Variants in CACTIN observed in about 807,000 individuals in gnomAD.
CACTIN encodes cactin, spliceosome C complex subunit.
Under a neutral mutation model 84.9 loss-of-function variants are expected in CACTIN, and 20 were observed. That is an observed-to-expected ratio of 0.24 (90% confidence interval 0.17 to 0.34). CACTIN has a LOEUF of 0.34. Ranked by LOEUF, CACTIN falls within the 10% of genes least tolerant of loss-of-function variation. CACTIN has a pLI of 1.00. For missense variants in CACTIN, 897 were observed against 1,117.2 expected (o/e 0.80, Z 2.81); for synonymous variants, 549 against 467.9 (o/e 1.17, Z -2.24).
chr19:3,613,227 C>CGCCTCG lies in CACTIN; in HGVS notation c.1611_1616dup (p.Glu538_Ala539dup). ...GGATCAGGTCCTCCTCCATGAGCACCGCCTCGCCCTCGCCCTCGCCCTCAC... is the reference window on the plus strand; with the variant it reads ...GGATCAGGTCCTCCTCCATGAGCACCGCCTCGGCCTCGCCCTCGCCCTCGCCCTCAC... On this transcript the variant is annotated inframe_insertion, in exon 9 of 10. Transcript: ENST00000429344. 6.2e-7 allele frequency: 1 copy of CGCCTCG among 1,605,688 alleles called. No homozygotes were observed.
At position 3,623,967 on chromosome 19, in the gene CACTIN, T is replaced by A. The variant is rs367943238; in HGVS notation, c.363A>T (p.Pro121=). The part of the protein sequence containing the change: ...PSSSASSSAS[P]GRSQSPRAAA... ...CCGCCCGGGGGCTCTGGGATCGCCC[T>A]GGAGACGCGGAGCTGGATGCTGAGG... Residue 121 remains proline, a synonymous_variant, in exon 2 of 10, where the codon CCA becomes CCT. Coordinates refer to ENST00000429344, the MANE Select transcript of CACTIN (RefSeq NM_001080543.2). 2.3e-4 allele frequency: 368 copies of A among 1,603,424 alleles called. No individual in the cohort carries two copies. Among genetic ancestry groups the A allele is most frequent in the Non-Finnish European group, 3.0e-4 (352 of 1,178,578 alleles).
chr19:3,613,349 C>A lies in CACTIN; in HGVS notation c.1495G>T (p.Ala499Ser). 1 of 1,509,036 alleles carries A rather than the reference C, an allele frequency of 6.6e-7. No homozygotes were observed. Among genetic ancestry groups the A allele is most frequent in the East Asian group, 2.5e-5 (1 of 40,306 alleles). The allele number at this position is 1,509,036 out of a possible 1,614,324, so 93.5% of individuals were successfully genotyped here. Residue 499 changes from alanine (A) to serine (S), a missense_variant, in exon 9 of 10, where the codon GCG (alanine) becomes TCG (serine). Physicochemically the swap from Ala to Ser is moderately conservative, Grantham distance 99 (BLOSUM62 1). Coordinates refer to ENST00000429344, the MANE Select transcript of CACTIN (RefSeq NM_001080543.2). ...SPSRSLEPED[A>S]APTPPGPSSE... ...GAGGGCCCGGGCGGGGTGGGCGCCG[C>A]GTCCTCAGGCTCCAGGCTGGGAGGA...
intron 6 of CACTIN, among the ~76,000 whole-genome samples, chr19:3,617,898 G>A (rs61408904): frequency 0.014 from 2,174 of 152,288 alleles, 58 homozygotes; most frequent in African/African-American, 0.05. Context: ...CTCCACCTCC[G>A]GGGAACACAA....
rs1329556101 is a variant in CACTIN at position 3,611,210 on chromosome 19, C to T, written c.*713G>A. The stretch of plus-strand genomic sequence containing the variant: ...CCACGACCTTGACAGAGACAGGGAC[C>T]TCGACGCATCCTCCATACCCGCTGC... On this transcript the variant is annotated 3_prime_UTR_variant, in exon 10 of 10. Transcript: ENST00000429344. 3 of 428,540 alleles carry T rather than the reference C, an allele frequency of 7.0e-6. No homozygotes were observed. Among genetic ancestry groups the T allele is most frequent in the South Asian group, 3.3e-5 (2 of 61,126 alleles). 26.5% of individuals were successfully genotyped at this position (428,540 alleles called of 1,614,324 possible).
Position 3,614,740 on chromosome 19 carries a change from C to T in CACTIN, c.1163-151G>A. 6.0e-6 allele frequency: 4 copies of T among 665,136 alleles called. No individual in the cohort carries two copies. The South Asian group carries it at 7.0e-5, about 12-fold the overall frequency. 41.2% of individuals were successfully genotyped at this position (665,136 alleles called of 1,614,324 possible). A position where few individuals can be genotyped will look rare whatever the true frequency, so the allele number is the denominator to read the frequency against. On this transcript the variant is annotated intron_variant, in intron 6 of 9. Coordinates refer to ENST00000429344, the MANE Select transcript of CACTIN (RefSeq NM_001080543.2). ...TCCAGTCCCGCCACCTCCCTGGTCT[C>T]AGGTTGTCCCCACCCTGGCCACAGC... is the stretch of plus-strand genomic sequence containing the variant.
In CACTIN at chr19:3,614,736, G is replaced by C; in HGVS notation, c.1163-147C>G. 6.0e-6 allele frequency: 4 copies of C among 670,456 alleles called. No individual in the cohort carries two copies. In the South Asian group the frequency reaches 6.9e-5, roughly 12 times the overall value. 41.5% of individuals were successfully genotyped at this position (670,456 alleles called of 1,614,324 possible). A position where few individuals can be genotyped will look rare whatever the true frequency, so the allele number is the denominator to read the frequency against. ...CCCATCCAGTCCCGCCACCTCCCTGGTCTCAGGTTGTCCCCACCCTGGCCA... is the reference window on the plus strand; with the variant it reads ...CCCATCCAGTCCCGCCACCTCCCTGCTCTCAGGTTGTCCCCACCCTGGCCA... On this transcript the variant is annotated intron_variant, in intron 6 of 9. Coordinates refer to ENST00000429344, the MANE Select transcript of CACTIN (RefSeq NM_001080543.2).
chr19:3,611,686 A>T lies in CACTIN; in HGVS notation c.*237T>A. On this transcript the variant is annotated 3_prime_UTR_variant, in exon 10 of 10. Transcript: ENST00000429344. Reference sequence around the variant, plus strand: ...ATGCCCCTAGCGCCCCCTCCGTTGCATCAGGACCCTAGGCCAGCCTGTCCC... The same window carrying T: ...ATGCCCCTAGCGCCCCCTCCGTTGCTTCAGGACCCTAGGCCAGCCTGTCCC... 1.7e-6 allele frequency: 1 copy of T among 589,630 alleles called. No homozygotes were observed. Among genetic ancestry groups the T allele is most frequent in the Non-Finnish European group, 3.0e-6 (1 of 332,014 alleles). 36.5% of individuals were successfully genotyped at this position (589,630 alleles called of 1,614,324 possible).
intron 2 of CACTIN, among the ~76,000 whole-genome samples, chr19:3,621,887 C>T (rs946958022): frequency 6.6e-5 from 10 of 152,248 alleles, no homozygotes; most frequent in African/African-American, 1.7e-4. Context: ...CAGACGACAT[C>T]GGGCAGAAGC....
chr19:3,621,923 C>T (rs911168618), intron 2 of CACTIN, among the ~76,000 whole-genome samples: 2 of 152,214 alleles, frequency 1.3e-5, no homozygotes, highest in Non-Finnish European at 2.9e-5. Flanking sequence ...CAGCTCCCAA[C>T]TGCGCAACCG....
intron 3 of CACTIN, 161 bp downstream of exon 3, chr19:3,620,546 A>G (rs535797602): frequency 7.5e-6 from 5 of 665,056 alleles, no homozygotes; most frequent in African/African-American, 7.2e-5. Context: ...AGGTGGAGGG[A>G]AACAGTTTCC....
intron 7 of CACTIN, 37 bp downstream of exon 7, chr19:3,614,360 G>A (rs2033056326): frequency 6.5e-7 from 1 of 1,548,016 alleles, no homozygotes; most frequent in Non-Finnish European, 8.7e-7. Context: ...ATCCCACCCG[G>A]ACGGCACCAA....
intron 1 of CACTIN, 77 bp downstream of exon 1, chr19:3,626,519 C>T (rs2033337638): frequency 7.9e-7 from 1 of 1,261,576 alleles, no homozygotes. Context: ...TCCCGGTTCC[C>T]CGGGATCTCC....
At chr19:3,624,728 G>A (rs554135222) in intron 1 of CACTIN, among the ~76,000 whole-genome samples, 1 of 152,238 alleles carries the variant, frequency 6.6e-6, no homozygotes, top group East Asian at 1.9e-4. Context: ...TCAAGGGAGG[G>A]CTTCCTAGAT....
rs773531546 is a variant in CACTIN, at chr19:3,611,870, G to A, written c.*53C>T. On this transcript the variant is annotated 3_prime_UTR_variant, in exon 10 of 10. Coordinates refer to ENST00000429344, the MANE Select transcript of CACTIN (RefSeq NM_001080543.2). ...CCCCGGAGTGACCACCAGCTTCACC[G>A]AAGCCCCTTTACTGTGCCCCCGAGG... The A allele has an allele frequency of 9.4e-6, 15 of 1,593,424 alleles. No individual in the cohort carries two copies. In the Admixed American group the frequency reaches 1.1e-4, roughly 11 times the overall value.
At position 3,612,037 on chromosome 19, in the gene CACTIN, G is replaced by A. The variant is rs61738769; in HGVS notation, c.2163C>T (p.Phe721=). ...ATTCCCACTCGCGGTTGACGATCTT[G>A]AAAGCGATGTCCTCGTAGGGCGGCC... The part of the protein sequence containing the change: ...HAGPPYEDIA[F]KIVNREWEYS... The change falls in exon 10 of 10, where the codon TTC becomes TTT. Residue 721 remains phenylalanine, a synonymous_variant. Transcript: ENST00000429344. The A allele has an allele frequency of 2.0e-4, 326 of 1,613,808 alleles. No homozygotes were observed. The highest frequency in any genetic ancestry group is 2.1e-4 in the Non-Finnish European group (252 of 1,179,900).
rs756411495 is a variant in CACTIN, at chr19:3,612,900, C to T, written c.1786+158G>A. Reference sequence around the variant, plus strand: ...ATGAATGAAGGAACGCCCCAGTGCGCGTGCAGGTGACGGAATGCACGCTCA... The same window carrying T: ...ATGAATGAAGGAACGCCCCAGTGCGTGTGCAGGTGACGGAATGCACGCTCA... On this transcript the variant is annotated intron_variant, in intron 9 of 9. Coordinates refer to ENST00000429344, the MANE Select transcript of CACTIN (RefSeq NM_001080543.2). 15 of 883,776 alleles carry T rather than the reference C, an allele frequency of 1.7e-5. 1 individual carries two copies. Among genetic ancestry groups the T allele is most frequent in the Middle Eastern group, 2.1e-4 (1 of 4,782 alleles). The allele number at this position is 883,776 out of a possible 1,614,324, so 54.7% of individuals were successfully genotyped here.
Position 3,612,141 on chromosome 19 carries a change from C to A in CACTIN, c.2059G>T (p.Asp687Tyr). 1 of 1,613,754 alleles carries A rather than the reference C, an allele frequency of 6.2e-7. No individual in the cohort carries two copies. Among genetic ancestry groups the A allele is most frequent in the Non-Finnish European group, 8.5e-7 (1 of 1,179,898 alleles). Residue 687 changes from aspartate (D) to tyrosine (Y), a missense_variant, in exon 10 of 10, where the codon GAC (aspartate) becomes TAC (tyrosine). This residue lies in a region of CACTIN where 50 missense variants were observed against 51.6 expected (regional missense o/e 0.97). Transcript: ENST00000429344. ...AAGTACTCGGGCGTGGAGCGCTTGT[C>A]GATGAGGTCGGGGTAGAAGATGTTG... ...KFNIFYPDLIDKRSTPEYFLE... is the reference protein window; with the variant it reads ...KFNIFYPDLIYKRSTPEYFLE...
In CACTIN at chr19:3,623,822, G is replaced by A; in HGVS notation, c.508C>T (p.Arg170Trp). ...FETPEEKRAR[R>W]LAKKEAKERK... Reference sequence around the variant, plus strand: ...TCCTTGGCCTCCTTCTTGGCCAGCCGCCGTGCGCGCTTCTCCTCGGGCGTC... The same window carrying A: ...TCCTTGGCCTCCTTCTTGGCCAGCCACCGTGCGCGCTTCTCCTCGGGCGTC... Residue 170 changes from arginine (R) to tryptophan (W), a missense_variant, in exon 2 of 10, where the codon CGG becomes TGG. Physicochemically the swap from Arg to Trp is moderately radical, Grantham distance 101. Around this residue, in one of 8 missense-constraint regions of CACTIN, gnomAD observed 304 missense variants for 444.3 expected, o/e 0.68. Transcript: ENST00000429344. The A allele has an allele frequency of 1.2e-6, 2 of 1,613,224 alleles. No individual in the cohort carries two copies. The highest frequency in any genetic ancestry group is 8.5e-7 in the Non-Finnish European group (1 of 1,179,888).
Position 3,626,602 on chromosome 19 carries a change from T to C in CACTIN, c.161A>G (p.Glu54Gly). The C allele has an allele frequency of 6.8e-7, 1 of 1,474,044 alleles. No homozygotes were observed. The highest frequency in any genetic ancestry group is 2.8e-5 in the East Asian group (1 of 35,286). The allele number at this position is 1,474,044 out of a possible 1,614,324, so 91.3% of individuals were successfully genotyped here. A position where few individuals can be genotyped will look rare whatever the true frequency, so the allele number is the denominator to read the frequency against. Reference protein sequence around the residue: ...GRRRRRRRSRERRSDSEEERW... With the variant: ...GRRRRRRRSRGRRSDSEEERW... ...GCTCCCGCAGCGACCCCACCTGCGC[T>C]CCCGGCTCCGCCGCCTCCGTCTGCG... Residue 54 changes from glutamate (E) to glycine (G), a missense_variant, in exon 1 of 10, where the codon GAG becomes GGG. Physicochemically the swap from Glu to Gly is moderately conservative, Grantham distance 98 (BLOSUM62 -2). Transcript: ENST00000429344.
Sources: gnomAD v4.1 joint callset for allele counts (sites outside exome capture counted in the v4.1 genomes callset) on GRCh38, gnomAD v4.1.1 for gene constraint, gnomAD v4.1.1 regional missense constraint, MANE v1.5 for transcripts, NCBI Gene and HGNC (gene_info 2026-07-23, HGNC 2026-07-21) for gene names.